CDK14: variants seen among roughly 807,000 people sequenced by gnomAD.
The protein encoded by CDK14 is cyclin-dependent kinase 14.
Under a neutral mutation model 60.7 loss-of-function variants are expected in CDK14, and 34 were observed. The ratio of observed to expected loss-of-function variants is 0.56; its 90% CI spans 0.43 to 0.75. CDK14 has a LOEUF of 0.75. Ranked by LOEUF, CDK14 falls within the 30% of genes least tolerant of loss-of-function variation. CDK14 has a pLI of 0.00. For synonymous variants in CDK14, 197 were observed against 203.7 expected (o/e 0.97, Z 0.28); for missense variants, 482 against 564.1 (o/e 0.85, Z 1.47).
At chr7:90,826,650 A>T (rs550511748) in intron 5 of CDK14, among the ~76,000 whole-genome samples, 66 of 152,250 alleles carry the variant, frequency 4.3e-4, no homozygotes, top group African/African-American at 1.1e-3. Context: ...TAATTAAAAA[A>T]TTTTTTAAAT....
intron 14 of CDK14, among the ~76,000 whole-genome samples, chr7:91,120,686 A>G (rs1584090216): frequency 6.6e-6 from 1 of 151,920 alleles, no homozygotes; most frequent in East Asian, 1.9e-4. Context: ...ACAGGCACAT[A>G]CCACCACGCC....
chr7:90,841,687 C>CACACACACACACACACAT (rs1182219437), intron 5 of CDK14, among the ~76,000 whole-genome samples: 1 of 151,552 alleles, frequency 6.6e-6, no homozygotes, highest in African/African-American at 2.4e-5. Context: ...CACACACACA[C>CACACACACACACACACAT]ACACAGGTGT....
intron 5 of CDK14, among the ~76,000 whole-genome samples, chr7:90,812,209 A>C (rs1382502997): frequency 1.3e-5 from 2 of 152,244 alleles, no homozygotes; most frequent in Non-Finnish European, 2.9e-5. Context: ...AAAGACTTGG[A>C]ACCAACCCAA....
intron 3 of CDK14, among the ~76,000 whole-genome samples, chr7:90,740,534 G>A (rs1353703635): frequency 6.6e-6 from 1 of 152,096 alleles, no homozygotes; most frequent in African/African-American, 2.4e-5. Context: ...AAGGCCATGT[G>A]AGGACACAAG....
chr7:90,973,868 A>G (rs1335146944), intron 9 of CDK14, among the ~76,000 whole-genome samples: 1 of 152,130 alleles, frequency 6.6e-6, no homozygotes, highest in African/African-American at 2.4e-5. Flanking sequence ...CCCACTGTGC[A>G]CGCATTGTCT....
intron 4 of CDK14, among the ~76,000 whole-genome samples, chr7:90,769,862 C>T (rs1477863348): frequency 3.3e-5 from 5 of 152,184 alleles, no homozygotes; most frequent in African/African-American, 4.8e-5. Flanking sequence ...TTTTAGTCCT[C>T]ATTTGAGATA....
At chr7:90,853,822 G>A (rs1428708900) in intron 5 of CDK14, among the ~76,000 whole-genome samples, 2 of 152,152 alleles carry the variant, frequency 1.3e-5, no homozygotes, top group African/African-American at 2.4e-5. Context: ...CCATGAATCT[G>A]CATTGGTATC....
chr7:90,860,432 T>C (rs1387092628), intron 5 of CDK14, among the ~76,000 whole-genome samples: 2 of 152,180 alleles, frequency 1.3e-5, no homozygotes, highest in East Asian at 3.9e-4. Flanking sequence ...TCTTTTGTGG[T>C]ATTATTTATA....
At chr7:91,024,609 C>G (rs1796522486) in intron 10 of CDK14, among the ~76,000 whole-genome samples, 1 of 152,324 alleles carries the variant, frequency 6.6e-6, no homozygotes, top group East Asian at 1.9e-4. Context: ...CGAGATTGTG[C>G]CACTGCACTC....
chr7:90,714,922 G>GAT (rs1802193314), intron 2 of CDK14, among the ~76,000 whole-genome samples: 2 of 152,008 alleles, frequency 1.3e-5, no homozygotes, highest in South Asian at 4.1e-4. Flanking sequence ...GGAGTAAGAA[G>GAT]ATAGTACACA....
At chr7:91,122,736 GGCAGTCTATTGCT>G (rs1310993044) in intron 14 of CDK14, among the ~76,000 whole-genome samples, 1 of 152,078 alleles carries the variant, frequency 6.6e-6, no homozygotes, top group African/African-American at 2.4e-5. Context: ...CTACTTCTGG[GGCAGTCTATTGCT>G]GACCTCTTTT....
Position 91,192,430 on chromosome 7 carries a change from G to A in CDK14, c.*29-14735G>A, listed in dbSNP as rs137869303. Among the ~76,000 whole-genome samples the A allele has an allele frequency of 2.1e-4, 32 of 152,270 alleles. No individual in the cohort carries two copies. In the East Asian group the frequency reaches 6.0e-3, roughly 28 times the overall value. On this transcript the variant is annotated intron_variant, in intron 14 of 14. Coordinates refer to ENST00000380050, the MANE Select transcript of CDK14 (RefSeq NM_001287135.2). ...TTTCAGCTTTCTCAACTCTAGGACAGACTAAAAATATATACCTTGAAATGT... is the reference window on the plus strand; with the variant it reads ...TTTCAGCTTTCTCAACTCTAGGACAAACTAAAAATATATACCTTGAAATGT...
intron 14 of CDK14, among the ~76,000 whole-genome samples, chr7:91,168,260 C>CAAA (rs35827575): frequency 8.2e-4 from 102 of 123,720 alleles, no homozygotes; most frequent in Middle Eastern, 4.4e-3. Context: ...GACTCTGTCT[C>CAAA]AAAAAAAAAA....
chr7:91,156,452 G>T (rs1800986049), intron 14 of CDK14, among the ~76,000 whole-genome samples: 1 of 152,066 alleles, frequency 6.6e-6, no homozygotes, highest in African/African-American at 2.4e-5. Flanking sequence ...GGAGTGAGGA[G>T]ATCCTTTTCT....
chr7:90,624,522 GC>G lies in CDK14; in HGVS notation c.123+20275del, dbSNP rs139061060. Among the ~76,000 whole-genome samples the G allele has an allele frequency of 8.8e-3, 1,343 of 152,286 alleles. 25 individuals are homozygous for G. The highest frequency in any genetic ancestry group is 0.028 in the African/African-American group (1,180 of 41,564). On this transcript the variant is annotated intron_variant, in intron 2 of 14. Transcript: ENST00000380050. ...TTTGTATTCTTTAGGTACCTCAAGA[GC>G]CAACAGCTCAAACTGTGGAGGCAGT...
intron 5 of CDK14, among the ~76,000 whole-genome samples, chr7:90,833,732 A>G (rs1789994532): frequency 6.6e-6 from 1 of 152,234 alleles, no homozygotes; most frequent in African/African-American, 2.4e-5. Context: ...TCAAAAATGT[A>G]TAATGTTAAA....
At chr7:91,052,387 C>T (rs949516067) in intron 11 of CDK14, among the ~76,000 whole-genome samples, 1 of 152,176 alleles carries the variant, frequency 6.6e-6, no homozygotes, top group Non-Finnish European at 1.5e-5. Flanking sequence ...ATTACAATTT[C>T]TCATTGCCCT....
intron 7 of CDK14, 68 bp from the exon 8 acceptor site, chr7:90,917,533 G>A: frequency 6.6e-7 from 1 of 1,507,252 alleles, no homozygotes; most frequent in Non-Finnish European, 9.1e-7. Context: ...CAAGTACTTA[G>A]CAGACTGTAT....
intron 2 of CDK14, among the ~76,000 whole-genome samples, chr7:90,613,069 A>G (rs1799576837): frequency 6.6e-6 from 1 of 152,170 alleles, no homozygotes; most frequent in African/African-American, 2.4e-5. Context: ...ATGTTTGATC[A>G]TATTTACCAT....
Sources: gnomAD v4.1 joint callset for allele counts (sites outside exome capture counted in the v4.1 genomes callset) on GRCh38, gnomAD v4.1.1 for gene constraint, MANE v1.5 for transcripts, NCBI Gene and HGNC (gene_info 2026-07-23, HGNC 2026-07-21) for gene names.